GDAP2: variants seen among roughly 807,000 people sequenced by gnomAD.
The protein encoded by GDAP2 is ganglioside induced differentiation associated protein 2.
Under a neutral mutation model 67.0 loss-of-function variants are expected in GDAP2, and 51 were observed. The observed-to-expected ratio is 0.76, with a 90% CI of 0.61 to 0.96. The LOEUF (loss-of-function observed/expected upper bound fraction) is 0.96, where lower values mean the gene tolerates loss of function less well. Ranked by LOEUF, GDAP2 falls within the 40% of genes least tolerant of loss-of-function variation. The pLI is 0.00. For synonymous variants in GDAP2, 203 were observed against 207.3 expected (o/e 0.98, Z 0.18); for missense variants, 547 against 588.3 (o/e 0.93, Z 0.73).
rs1340149874 is a variant in GDAP2 at position 117,864,581 on chromosome 1, T to C, written c.*5988A>G. ...ACTATTTTAAATTTTATTAGTTTTA[T>C]AGTTTTGCTTGTGTTAACCCATAAA... On this transcript the variant is annotated 3_prime_UTR_variant, in exon 14 of 14. Coordinates refer to ENST00000369443, the MANE Select transcript of GDAP2 (RefSeq NM_017686.4). 1.3e-5 allele frequency: 2 copies of C among 152,222 alleles called. No homozygotes were observed. Among genetic ancestry groups the C allele is most frequent in the East Asian group, 3.8e-4 (2 of 5,204 alleles). The allele number at this position is 152,222 out of a possible 1,614,324, so 9.4% of individuals were successfully genotyped here. A position where few individuals can be genotyped will look rare whatever the true frequency, so the allele number is the denominator to read the frequency against.
rs968642969 is a variant in GDAP2 at position 117,867,787 on chromosome 1, T to C, written c.*2782A>G. ...TAAAGGAGAAAACGTCTTTAAAATA[T>C]GTACCATTTGCCCTCACGAGTCTAA... is the stretch of plus-strand genomic sequence containing the variant. On this transcript the variant is annotated 3_prime_UTR_variant, in exon 14 of 14. Transcript: ENST00000369443. 3.3e-5 allele frequency: 5 copies of C among 152,184 alleles called. No individual in the cohort carries two copies. Among genetic ancestry groups the C allele is most frequent in the Non-Finnish European group, 7.3e-5 (5 of 68,036 alleles). 9.4% of individuals were successfully genotyped at this position (152,184 alleles called of 1,614,324 possible). A position where few individuals can be genotyped will look rare whatever the true frequency, so the allele number is the denominator to read the frequency against.
Position 117,868,046 on chromosome 1 carries a change from C to G in GDAP2, c.*2523G>C, listed in dbSNP as rs1030148543. ...AAGACTTGGTGGTGCTTTGAATTAA[C>G]ATCAGATGCTGGTGGTCATCTCCAT... On this transcript the variant is annotated 3_prime_UTR_variant, in exon 14 of 14. Transcript: ENST00000369443. 9 of 152,340 alleles carry G rather than the reference C, an allele frequency of 5.9e-5. No individual in the cohort carries two copies. Among genetic ancestry groups the G allele is most frequent in the African/African-American group, 1.7e-4 (7 of 41,580 alleles). 9.4% of individuals were successfully genotyped at this position (152,340 alleles called of 1,614,324 possible).
In GDAP2 at chr1:117,869,572, C is replaced by T. The variant is rs1288962360; in HGVS notation, c.*997G>A. ...AGGCAGCATAATTCTAATTTTTACTCATAACCAAGCTAAGGCACAAATAGA... is the reference window on the plus strand; with the variant it reads ...AGGCAGCATAATTCTAATTTTTACTTATAACCAAGCTAAGGCACAAATAGA... On this transcript the variant is annotated 3_prime_UTR_variant, in exon 14 of 14. Coordinates refer to ENST00000369443, the MANE Select transcript of GDAP2 (RefSeq NM_017686.4). 6.6e-6 allele frequency: 1 copy of T among 152,604 alleles called. No individual in the cohort carries two copies. Among genetic ancestry groups the T allele is most frequent in the Non-Finnish European group, 1.5e-5 (1 of 68,032 alleles). The allele number at this position is 152,604 out of a possible 1,614,324, so 9.5% of individuals were successfully genotyped here.
At chr1:117,920,883 G>C (rs1650227062) in intron 1 of GDAP2, among the ~76,000 whole-genome samples, 1 of 152,222 alleles carries the variant, frequency 6.6e-6, no homozygotes, top group Non-Finnish European at 1.5e-5. Context: ...AGTAAGAGAT[G>C]ATAAAGGTTT....
rs565924898 is a variant in GDAP2, at chr1:117,865,743, T to C, written c.*4826A>G. On this transcript the variant is annotated 3_prime_UTR_variant, in exon 14 of 14. Coordinates refer to ENST00000369443, the MANE Select transcript of GDAP2 (RefSeq NM_017686.4). ...TTTCTTCCTGAACTCAGTGGTCCTA[T>C]ACATTTAAGGCATACTGTACTTGAA... 1.3e-5 allele frequency: 2 copies of C among 152,238 alleles called. No homozygotes were observed. The highest frequency in any genetic ancestry group is 2.9e-5 in the Non-Finnish European group (2 of 68,048). 9.4% of individuals were successfully genotyped at this position (152,238 alleles called of 1,614,324 possible).
chr1:117,915,407 C>A (rs566597615), intron 3 of GDAP2, among the ~76,000 whole-genome samples: 1 of 152,180 alleles, frequency 6.6e-6, no homozygotes, highest in Admixed American at 6.5e-5. Context: ...ATAAACATAA[C>A]AAAAAGATGC....
chr1:117,908,722 G>C (rs2101150959), intron 5 of GDAP2, among the ~76,000 whole-genome samples: 1 of 152,040 alleles, frequency 6.6e-6, no homozygotes, highest in South Asian at 2.1e-4. Context: ...CTACCTGGGG[G>C]GCTAACAAGG....
rs770115877 is a variant in GDAP2 at position 117,912,633 on chromosome 1, G to T, written c.367C>A (p.Arg123=). Residue 123 remains arginine, a synonymous_variant, in exon 4 of 14, where the codon CGG becomes AGG. Coordinates refer to ENST00000369443, the MANE Select transcript of GDAP2 (RefSeq NM_017686.4). ...KLTKGFNLAA[R]FIIHTVGPKY... ...GGTCCCACTGTGTGAATGATGAACC[G>T]GGCAGCTAGATTGAATCCTTTTGTC... 2.5e-6 allele frequency: 4 copies of T among 1,613,332 alleles called. No individual in the cohort carries two copies. The South Asian group carries it at 4.4e-5, about 18-fold the overall frequency.
chr1:117,904,636 T>C (rs1035790743), intron 6 of GDAP2, among the ~76,000 whole-genome samples: 1 of 152,220 alleles, frequency 6.6e-6, no homozygotes, highest in African/African-American at 2.4e-5. Context: ...TCAGGTGTCA[T>C]GGTAAGTTGC....
At chr1:117,877,384 G>T in intron 13 of GDAP2, 1 of 983,298 alleles carries the variant, frequency 1.0e-6, no homozygotes, top group Non-Finnish European at 1.2e-6. Context: ...TGAGCTTTTG[G>T]CCAAGTGTGT....
At position 117,896,274 on chromosome 1, in the gene GDAP2, G is replaced by T. The variant is rs377086583; in HGVS notation, c.953+559C>A. Among the ~76,000 whole-genome samples the T allele has an allele frequency of 5.3e-5, 8 of 152,152 alleles. No homozygotes were observed. The East Asian group carries it at 1.5e-3, about 29-fold the overall frequency. ...TTTAGACTTTTTTGAAAAGCAGCCA[G>T]CTTTACAAAGACTTGATCTTTGGGA... On this transcript the variant is annotated intron_variant, in intron 8 of 13. Coordinates refer to ENST00000369443, the MANE Select transcript of GDAP2 (RefSeq NM_017686.4).
intron 13 of GDAP2, among the ~76,000 whole-genome samples, chr1:117,876,369 C>T (rs1648455150): frequency 6.6e-6 from 1 of 152,164 alleles, no homozygotes; most frequent in Non-Finnish European, 1.5e-5. Flanking sequence ...GAGTCCCTCA[C>T]CAGAAGCAGA....
At chr1:117,909,528 C>T (rs1042672103) in intron 5 of GDAP2, among the ~76,000 whole-genome samples, 1 of 151,968 alleles carries the variant, frequency 6.6e-6, no homozygotes, top group African/African-American at 2.4e-5. Context: ...GTTCTTGGCC[C>T]ATATATGTTA....
chr1:117,897,860 C>A (rs1459213864), intron 7 of GDAP2, among the ~76,000 whole-genome samples: 1 of 152,192 alleles, frequency 6.6e-6, no homozygotes, highest in Admixed American at 6.5e-5. Flanking sequence ...TCATTAAAAA[C>A]ACCCCTCAAG....
intron 3 of GDAP2, among the ~76,000 whole-genome samples, chr1:117,916,022 TA>T (rs1010776787): frequency 3.3e-5 from 5 of 152,228 alleles, no homozygotes; most frequent in African/African-American, 9.6e-5. Context: ...AATTTTCTAT[TA>T]GGGGTACCCC....
At chr1:117,895,946 G>T (rs757336758) in intron 8 of GDAP2, among the ~76,000 whole-genome samples, 1 of 152,168 alleles carries the variant, frequency 6.6e-6, no homozygotes, top group Non-Finnish European at 1.5e-5. Flanking sequence ...GGTGGCATCT[G>T]TTCCAGACTT....
In GDAP2 at chr1:117,869,700, C is replaced by T. The variant is rs937217253; in HGVS notation, c.*869G>A. The T allele has an allele frequency of 2.6e-5, 4 of 152,636 alleles. No individual in the cohort carries two copies. Among genetic ancestry groups the T allele is most frequent in the Non-Finnish European group, 5.9e-5 (4 of 68,054 alleles). The allele number at this position is 152,636 out of a possible 1,614,324, so 9.5% of individuals were successfully genotyped here. On this transcript the variant is annotated 3_prime_UTR_variant, in exon 14 of 14. Transcript: ENST00000369443. ...GATGCAGGCAACTCAAGAGATGCTGCTATGAAATGTCCTTAGAGGTAGTAG... is the reference window on the plus strand; with the variant it reads ...GATGCAGGCAACTCAAGAGATGCTGTTATGAAATGTCCTTAGAGGTAGTAG...
At chr1:117,876,601 T>A (rs1648464215) in intron 13 of GDAP2, among the ~76,000 whole-genome samples, 1 of 152,194 alleles carries the variant, frequency 6.6e-6, no homozygotes, top group Non-Finnish European at 1.5e-5. Flanking sequence ...AGTGTTAGAT[T>A]ATAAGTTAGT....
At chr1:117,880,739 C>A (rs1397759893) in intron 12 of GDAP2, among the ~76,000 whole-genome samples, 4 of 152,194 alleles carry the variant, frequency 2.6e-5, no homozygotes, top group Non-Finnish European at 5.9e-5. Flanking sequence ...CTTAATCTCT[C>A]TAAGCATCAA....
Sources: allele counts gnomAD v4.1 joint callset (sites outside exome capture counted in the v4.1 genomes callset), GRCh38; gene constraint gnomAD v4.1.1; transcripts MANE v1.5; gene names NCBI Gene and HGNC (gene_info 2026-07-23, HGNC 2026-07-21).